FGF12: variants seen among roughly 807,000 people sequenced by gnomAD.
FGF12 encodes the protein fibroblast growth factor 12.
In FGF12, 14 loss-of-function variants were observed where a neutral mutation model predicts 23.6. The observed-to-expected ratio is 0.59, with a 90% CI of 0.39 to 0.93. FGF12 has a LOEUF of 0.93. Ranked by LOEUF, FGF12 falls within the 40% of genes least tolerant of loss-of-function variation. The pLI, the probability that FGF12 is intolerant of heterozygous loss-of-function variation, is 0.00. For synonymous variants in FGF12, 62 were observed against 77.3 expected, an observed-to-expected ratio of 0.80 and a Z score of 1.04; for missense variants, 175 against 217.8, an observed-to-expected ratio of 0.80 and a Z score of 1.24.
intron 2 of FGF12, among the ~76,000 whole-genome samples, chr3:192,607,920 C>G (rs572644761): frequency 7.1e-4 from 107 of 151,570 alleles, no homozygotes; most frequent in African/African-American, 2.4e-3. Flanking sequence ...GCCAGTCCCT[C>G]TTCTGACTGA....
intron 2 of FGF12, among the ~76,000 whole-genome samples, chr3:192,382,239 T>C (rs1719849329): frequency 6.6e-6 from 1 of 151,988 alleles, no homozygotes; most frequent in African/African-American, 2.4e-5. Flanking sequence ...CGTGATCCAC[T>C]CACCTCAGAC....
At chr3:192,467,164 G>T (rs1577000259) in intron 2 of FGF12, among the ~76,000 whole-genome samples, 1 of 152,132 alleles carries the variant, frequency 6.6e-6, no homozygotes, top group Admixed American at 6.5e-5. Context: ...TTCAAATTTT[G>T]TAGTATTCGA....
chr3:192,280,270 T>A (rs1714066969), intron 4 of FGF12, among the ~76,000 whole-genome samples: 1 of 152,190 alleles, frequency 6.6e-6, no homozygotes, highest in East Asian at 1.9e-4. Flanking sequence ...ATAACACATT[T>A]ATTTCCTTGT....
chr3:192,491,747 T>A (rs1277488766), intron 2 of FGF12, among the ~76,000 whole-genome samples: 1 of 152,164 alleles, frequency 6.6e-6, no homozygotes, highest in East Asian at 1.9e-4. Flanking sequence ...GCCTTTTTCA[T>A]GTCATGTCAC....
At chr3:192,516,100 A>C (rs951016753) in intron 2 of FGF12, among the ~76,000 whole-genome samples, 1 of 151,654 alleles carries the variant, frequency 6.6e-6, no homozygotes, top group Non-Finnish European at 1.5e-5. Context: ...CTTTAAAAGA[A>C]AGTTAAAGAT....
rs1421655799 is a variant in FGF12 at position 192,210,886 on chromosome 3, T to C, written c.229-40230A>G. 3.3e-5 allele frequency among the ~76,000 whole-genome samples: 5 copies of C among 152,162 alleles called. No homozygotes were observed. The East Asian group carries it at 9.7e-4, about 29-fold the overall frequency. ...TCAAGGTAGATGAGACCAAAGACAG[T>C]GATGAGGCCAGGGTGGCTGGAGGCA... On this transcript the variant is annotated intron_variant, in intron 4 of 5. Transcript: ENST00000445105.
At chr3:192,373,856 T>C (rs1486356351) in intron 2 of FGF12, among the ~76,000 whole-genome samples, 13 of 152,172 alleles carry the variant, frequency 8.5e-5, no homozygotes, top group Non-Finnish European at 4.4e-5. Context: ...GTAGACATGA[T>C]CAAAAGCCTA....
intron 2 of FGF12, among the ~76,000 whole-genome samples, chr3:192,701,632 A>G (rs1333120308): frequency 6.6e-6 from 1 of 152,226 alleles, no homozygotes; most frequent in Non-Finnish European, 1.5e-5. Flanking sequence ...TATAGCGGCA[A>G]GAAAACTGGT....
chr3:192,441,944 G>A (rs927599955), intron 2 of FGF12, among the ~76,000 whole-genome samples: 4 of 152,130 alleles, frequency 2.6e-5, no homozygotes, highest in Non-Finnish European at 4.4e-5. Flanking sequence ...CCCTTAGAAC[G>A]ACAATAATAA....
intron 2 of FGF12, among the ~76,000 whole-genome samples, chr3:192,609,228 T>C (rs1714458455): frequency 6.6e-6 from 1 of 152,146 alleles, no homozygotes; most frequent in South Asian, 2.1e-4. Flanking sequence ...GCTGAATAGA[T>C]GATGCATAGG....
intron 2 of FGF12, among the ~76,000 whole-genome samples, chr3:192,362,308 T>C (rs1356799932): frequency 6.6e-6 from 1 of 152,230 alleles, no homozygotes; most frequent in Non-Finnish European, 1.5e-5. Flanking sequence ...TACATATGTA[T>C]ACATGTGCCA....
chr3:192,241,446 C>A, intron 4 of FGF12, among the ~76,000 whole-genome samples: 1 of 151,846 alleles, frequency 6.6e-6, no homozygotes, highest in East Asian at 1.9e-4. Flanking sequence ...TGTAATTAAC[C>A]GAAATCAAGG....
chr3:192,380,919 A>G (rs1441369248), intron 2 of FGF12, among the ~76,000 whole-genome samples: 1 of 150,294 alleles, frequency 6.7e-6, no homozygotes, highest in Non-Finnish European at 1.5e-5. Flanking sequence ...ATTTATATAG[A>G]GTATATATTT....
chr3:192,724,630 T>C (rs1178584352), intron 2 of FGF12, among the ~76,000 whole-genome samples: 1 of 152,254 alleles, frequency 6.6e-6, no homozygotes, highest in Non-Finnish European at 1.5e-5. Flanking sequence ...CAAAAATCGC[T>C]GAAATTAGAT....
At chr3:192,554,239 CAGAAG>C (rs1216155930) in intron 2 of FGF12, among the ~76,000 whole-genome samples, 3 of 152,126 alleles carry the variant, frequency 2.0e-5, no homozygotes, top group Non-Finnish European at 4.4e-5. Context: ...GGGGTCATGC[CAGAAG>C]AGAAGAGTAG....
chr3:192,459,727 A>G (rs892561142), intron 2 of FGF12, among the ~76,000 whole-genome samples: 22 of 152,342 alleles, frequency 1.4e-4, no homozygotes, highest in Non-Finnish European at 5.9e-5. Flanking sequence ...AGTTTTGAAG[A>G]TGTATGTGCT....
intron 4 of FGF12, among the ~76,000 whole-genome samples, chr3:192,240,234 A>G (rs181240539): frequency 7.7e-4 from 118 of 152,268 alleles, no homozygotes; most frequent in Non-Finnish European, 1.4e-3. Flanking sequence ...TCCCATATCT[A>G]ATTACCATAT....
At chr3:192,206,856 C>G (rs527864471) in intron 4 of FGF12, among the ~76,000 whole-genome samples, 2,872 of 152,222 alleles carry the variant, frequency 0.019, 113 homozygotes, top group East Asian at 0.13. Flanking sequence ...TCTCAACCCT[C>G]CTGGAGGGCC....
At chr3:192,369,486 G>A (rs1197142626) in intron 2 of FGF12, among the ~76,000 whole-genome samples, 1 of 152,128 alleles carries the variant, frequency 6.6e-6, no homozygotes, top group Non-Finnish European at 1.5e-5. Flanking sequence ...AAGCTACATG[G>A]AAAGAAAATA....
Sources: gnomAD v4.1 joint callset for allele counts (sites outside exome capture counted in the v4.1 genomes callset) on GRCh38, gnomAD v4.1.1 for gene constraint, MANE v1.5 for transcripts, NCBI Gene and HGNC (gene_info 2026-07-23, HGNC 2026-07-21) for gene names.